NELL2: variants seen among roughly 807,000 people sequenced by gnomAD.
NELL2 encodes the protein protein kinase C-binding protein NELL2.
A neutral mutation model predicts 109.6 loss-of-function variants in NELL2; 41 were observed. The ratio of observed to expected loss-of-function variants is 0.37; its 90% CI spans 0.29 to 0.49. The LOEUF is 0.49. Ranked by LOEUF, NELL2 falls within the 20% of genes least tolerant of loss-of-function variation. The pLI is 0.98. For synonymous variants in NELL2, 355 were observed against 344.7 expected (o/e 1.03, Z -0.33); for missense variants, 900 against 1,008.3 (o/e 0.89, Z 1.45).
At chr12:44,658,960 G>T (rs997105304) in intron 13 of NELL2, among the ~76,000 whole-genome samples, 6 of 151,512 alleles carry the variant, frequency 4.0e-5, no homozygotes, top group Non-Finnish European at 8.8e-5. Flanking sequence ...ATACTACAAG[G>T]CTACAGTAAC....
rs561070574 is a variant in NELL2, at chr12:44,706,927, T to G, written c.1190-3073A>C. On this transcript the variant is annotated intron_variant, in intron 11 of 19. Transcript: ENST00000429094. ...TAGAACTTTTGGTAAAATATAAACA[T>G]GCATTCTTATATAACTGGAAAAGAG... Among the ~76,000 whole-genome samples the G allele has an allele frequency of 9.2e-4, 140 of 152,246 alleles. 3 individuals are homozygous for G. In the Middle Eastern group the frequency reaches 0.034, roughly 37 times the overall value.
At chr12:44,708,820 T>G (rs1311333600) in intron 11 of NELL2, among the ~76,000 whole-genome samples, 1 of 152,192 alleles carries the variant, frequency 6.6e-6, no homozygotes, top group African/African-American at 2.4e-5. Context: ...ATCAGTTATA[T>G]CAGAATCTCA....
intron 13 of NELL2, among the ~76,000 whole-genome samples, chr12:44,647,619 A>G (rs775388110): frequency 1.3e-5 from 2 of 152,232 alleles, no homozygotes; most frequent in Non-Finnish European, 2.9e-5. Context: ...TACTAAGTCC[A>G]CTTGAGTTTC....
At chr12:44,673,140 C>T (rs1948199407) in intron 12 of NELL2, among the ~76,000 whole-genome samples, 1 of 152,052 alleles carries the variant, frequency 6.6e-6, no homozygotes, top group Non-Finnish European at 1.5e-5. Context: ...TTTTTGATTT[C>T]TCACGCCCTG....
At chr12:44,661,286 G>A (rs1473065371) in intron 13 of NELL2, among the ~76,000 whole-genome samples, 1 of 152,202 alleles carries the variant, frequency 6.6e-6, no homozygotes, top group Non-Finnish European at 1.5e-5. Context: ...CTAGGATCAA[G>A]GTTAAACACA....
intron 5 of NELL2, 147 bp downstream of exon 5, chr12:44,779,516 A>G (rs1463847295): frequency 3.1e-6 from 2 of 644,810 alleles, no homozygotes; most frequent in African/African-American, 3.7e-5. Flanking sequence ...TGGCTAAAAT[A>G]TTACTGTTTA....
At chr12:44,654,291 C>A (rs979646482) in intron 13 of NELL2, among the ~76,000 whole-genome samples, 3 of 152,198 alleles carry the variant, frequency 2.0e-5, no homozygotes, top group Non-Finnish European at 2.9e-5. Context: ...CAATCACTCA[C>A]ACACAGTTCC....
chr12:44,514,167 T>G (rs915760851), intron 19 of NELL2, among the ~76,000 whole-genome samples: 1 of 151,962 alleles, frequency 6.6e-6, no homozygotes, highest in Non-Finnish European at 1.5e-5. Flanking sequence ...CTGAATTCTA[T>G]GTCCAGTGAA....
At chr12:44,867,868 C>A (rs1014307401) in intron 2 of NELL2, among the ~76,000 whole-genome samples, 2 of 151,908 alleles carry the variant, frequency 1.3e-5, no homozygotes, top group African/African-American at 4.8e-5. Flanking sequence ...ACCTGTAATC[C>A]CAGCACTTTG....
At chr12:44,783,867 C>T (rs751801004) in intron 3 of NELL2, among the ~76,000 whole-genome samples, 5 of 151,756 alleles carry the variant, frequency 3.3e-5, no homozygotes, top group Non-Finnish European at 7.4e-5. Flanking sequence ...AAAGATAGTA[C>T]AAAAAAGTAA....
At position 44,867,890 on chromosome 12, in the gene NELL2, C is replaced by T. The variant is rs554980006; in HGVS notation, c.184+7335G>A. Among the ~76,000 whole-genome samples the T allele has an allele frequency of 3.9e-5, 6 of 152,120 alleles. No individual in the cohort carries two copies. In the East Asian group the frequency reaches 5.8e-4, roughly 15 times the overall value. ...ATCCCAGCACTTTGTGAGCCCGAGG[C>T]GGTCCAATCACTTGAGGTGAGGAGT... On this transcript the variant is annotated intron_variant, in intron 2 of 19. Coordinates refer to ENST00000429094, the MANE Select transcript of NELL2 (RefSeq NM_001145108.2).
At chr12:44,743,892 G>A (rs1460752540) in intron 9 of NELL2, among the ~76,000 whole-genome samples, 1 of 152,044 alleles carries the variant, frequency 6.6e-6, no homozygotes, top group Non-Finnish European at 1.5e-5. Flanking sequence ...ACAGATCAAT[G>A]AGACAGAAAG....
intron 9 of NELL2, among the ~76,000 whole-genome samples, chr12:44,733,550 C>T (rs1939482048): frequency 6.6e-6 from 1 of 151,614 alleles, no homozygotes; most frequent in South Asian, 2.1e-4. Context: ...TTTCCAGGCG[C>T]TAGGAGGAGA....
chr12:44,742,160 G>A (rs1388333680), intron 9 of NELL2, among the ~76,000 whole-genome samples: 3 of 152,040 alleles, frequency 2.0e-5, no homozygotes, highest in Admixed American at 1.3e-4. Context: ...ACCAATATCC[G>A]CTGTTCTGCA....
chr12:44,770,776 G>T (rs1941515249), intron 9 of NELL2, among the ~76,000 whole-genome samples: 1 of 152,142 alleles, frequency 6.6e-6, no homozygotes, highest in South Asian at 2.1e-4. Flanking sequence ...AACAATGGAG[G>T]AAAGACATTA....
chr12:44,635,644 C>T (rs555777196), intron 13 of NELL2, among the ~76,000 whole-genome samples: 9 of 152,026 alleles, frequency 5.9e-5, no homozygotes, highest in African/African-American at 1.7e-4. Flanking sequence ...TTGATCTATA[C>T]ATCTGTTTTG....
rs778334110 is a variant in NELL2 at position 44,774,736 on chromosome 12, G to A, written c.994+11C>T. 1.3e-6 allele frequency: 2 copies of A among 1,599,956 alleles called. No homozygotes were observed. The highest frequency in any genetic ancestry group is 1.3e-5 in the African/African-American group (1 of 74,718). ...TCCAAAGAAAGTATTCATCATAAAA[G>A]TTATGCTCACATTTGCATTCCTTAC... is the stretch of plus-strand genomic sequence containing the variant. On this transcript the variant is annotated intron_variant, in intron 9 of 19. Transcript: ENST00000429094.
At chr12:44,829,588 GAA>G (rs1943822368) in intron 2 of NELL2, among the ~76,000 whole-genome samples, 2 of 152,086 alleles carry the variant, frequency 1.3e-5, no homozygotes, top group African/African-American at 4.8e-5. Context: ...TTTCTTTAAA[GAA>G]AAGAAAAAAC....
rs575055278 is a variant in NELL2 at position 44,712,316 on chromosome 12, T to C, written c.1087-922A>G. 1.1e-3 allele frequency among the ~76,000 whole-genome samples: 173 copies of C among 152,156 alleles called. 1 individual carries two copies. Among genetic ancestry groups the C allele is most frequent in the African/African-American group, 3.8e-3 (158 of 41,562 alleles). On this transcript the variant is annotated intron_variant, in intron 10 of 19. Coordinates refer to ENST00000429094, the MANE Select transcript of NELL2 (RefSeq NM_001145108.2). ...TATCTGCCTTTTCCTGGCTCATTTA[T>C]GTAAAGGACCTTCTCCAAATCATAA...
Sources: gnomAD v4.1 joint callset for allele counts (sites outside exome capture counted in the v4.1 genomes callset) on GRCh38, gnomAD v4.1.1 for gene constraint, MANE v1.5 for transcripts, NCBI Gene and HGNC (gene_info 2026-07-23, HGNC 2026-07-21) for gene names.